Variants in DNAH9 observed in about 807,000 individuals in gnomAD.
The protein encoded by DNAH9 is DNAH9 variant protein.
Under a neutral mutation model 471.6 loss-of-function variants are expected in DNAH9, and 345 were observed. The observed-to-expected ratio is 0.73, with a 90% CI of 0.67 to 0.80. The LOEUF (loss-of-function observed/expected upper bound fraction) is 0.80, where lower values mean the gene tolerates loss of function less well. DNAH9 is among the 30% of genes least tolerant of loss of function. DNAH9 has a pLI of 0.00. For missense variants in DNAH9, 5,407 were observed against 5,609.2 expected (o/e 0.96, Z 1.15); for synonymous variants, 2,093 against 2,123.6 (o/e 0.99, Z 0.40).
chr17:11,734,992 C>T (rs552463942), intron 28 of DNAH9, among the ~76,000 whole-genome samples: 17 of 152,148 alleles, frequency 1.1e-4, no homozygotes, highest in Non-Finnish European at 2.1e-4. Flanking sequence ...CCTGTTCCGA[C>T]GCACCTCATT....
chr17:11,769,019 A>T, intron 37 of DNAH9, 103 bp from the exon 38 acceptor site: 1 of 1,215,460 alleles, frequency 8.2e-7, no homozygotes, highest in South Asian at 1.3e-5. Flanking sequence ...GGGGAGCTCC[A>T]TCGTGACGGA....
At position 11,654,382 on chromosome 17, in the gene DNAH9, T is replaced by G. The variant is rs984363210; in HGVS notation, c.2595+1380T>G. 1.6e-5 allele frequency among the ~76,000 whole-genome samples: 2 copies of G among 123,468 alleles called. 1 individual carries two copies. The highest frequency in any genetic ancestry group is 5.8e-5 in the African/African-American group (2 of 34,716). 81.0% of individuals were successfully genotyped at this position (123,468 alleles called of 152,430 possible). On this transcript the variant is annotated intron_variant, in intron 14 of 68. Coordinates refer to ENST00000262442, the MANE Select transcript of DNAH9 (RefSeq NM_001372.4). ...AAAAAAAAAAAAAAAAAAAAAAGTT[T>G]AAAATCGATCTATCATCCATCTATC...
intron 45 of DNAH9, among the ~76,000 whole-genome samples, chr17:11,815,095 A>G (rs1258837280): frequency 6.6e-6 from 1 of 152,180 alleles, no homozygotes; most frequent in Non-Finnish European, 1.5e-5. Context: ...ACTTTAAACC[A>G]GGACCGGTTT....
intron 67 of DNAH9, among the ~76,000 whole-genome samples, chr17:11,958,124 A>G (rs1975758774): frequency 6.6e-6 from 1 of 152,212 alleles, no homozygotes; most frequent in Non-Finnish European, 1.5e-5. Flanking sequence ...AAACAGAGGG[A>G]ACTTAAACAC....
intron 45 of DNAH9, among the ~76,000 whole-genome samples, chr17:11,813,433 A>G (rs1969991999): frequency 6.6e-6 from 1 of 152,180 alleles, no homozygotes; most frequent in Non-Finnish European, 1.5e-5. Flanking sequence ...AGTTCAGCCA[A>G]AGCTGCGGGG....
At chr17:11,648,166 C>T (rs1417203321) in intron 12 of DNAH9, among the ~76,000 whole-genome samples, 5 of 152,216 alleles carry the variant, frequency 3.3e-5, no homozygotes, top group Non-Finnish European at 7.3e-5. Flanking sequence ...CAGTCACCTA[C>T]ATCTGCCTTG....
chr17:11,752,965 G>A lies in DNAH9; in HGVS notation c.6738+5G>A. ...ACTGTCATGGATGATAACAAGGTAT[G>A]AAATTGGGGGATATCCCTAGATCAT... is the stretch of plus-strand genomic sequence containing the variant. On this transcript the variant is annotated splice_donor_5th_base_variant and intron_variant, in intron 33 of 68. Coordinates refer to ENST00000262442, the MANE Select transcript of DNAH9 (RefSeq NM_001372.4). 1 of 1,580,492 alleles carries A rather than the reference G, an allele frequency of 6.3e-7. No homozygotes were observed. Among genetic ancestry groups the A allele is most frequent in the Non-Finnish European group, 8.6e-7 (1 of 1,164,306 alleles).
At position 11,697,919 on chromosome 17, in the gene DNAH9, T is replaced by C. The variant is rs2074504167; in HGVS notation, c.4873-1812T>C. Among the ~76,000 whole-genome samples, 6 of 151,564 alleles carry C rather than the reference T, an allele frequency of 4.0e-5. No homozygotes were observed. In the Admixed American group the frequency reaches 4.0e-4, roughly 10 times the overall value. ...CCACGTTTTATAGACTTCATGTTTC[T>C]TTAATGTAATTGAAAGAAAAACAAG... On this transcript the variant is annotated intron_variant, in intron 22 of 68. Transcript: ENST00000262442.
intron 63 of DNAH9, among the ~76,000 whole-genome samples, chr17:11,931,063 A>T (rs1045656239): frequency 6.6e-6 from 1 of 152,188 alleles, no homozygotes; most frequent in African/African-American, 2.4e-5. Context: ...GGCCTCTTTG[A>T]TCTTCTCAAG....
chr17:11,876,906 T>C (rs1051174246), intron 53 of DNAH9, among the ~76,000 whole-genome samples: 1 of 151,884 alleles, frequency 6.6e-6, no homozygotes, highest in African/African-American at 2.4e-5. Context: ...TTTTGTATTT[T>C]TAGTAGAGAC....
chr17:11,817,237 A>C (rs1247988314), intron 45 of DNAH9, among the ~76,000 whole-genome samples: 1 of 152,198 alleles, frequency 6.6e-6, no homozygotes, highest in African/African-American at 2.4e-5. Flanking sequence ...TCAAGAAGGA[A>C]TTATAGGAAC....
At chr17:11,738,370 C>A (rs2075381725) in intron 28 of DNAH9, among the ~76,000 whole-genome samples, 1 of 152,128 alleles carries the variant, frequency 6.6e-6, no homozygotes, top group African/African-American at 2.4e-5. Context: ...TGGCTGTGGG[C>A]AGCCAGATTC....
At chr17:11,929,731 C>T (rs1018958920) in intron 62 of DNAH9, 135 bp from the exon 63 acceptor site, 10 of 707,964 alleles carry the variant, frequency 1.4e-5, no homozygotes, top group South Asian at 3.9e-5. Context: ...TTTTCTGTTA[C>T]GTCTTACCAC....
intron 6 of DNAH9, among the ~76,000 whole-genome samples, chr17:11,627,463 C>T (rs544811474): frequency 2.0e-5 from 3 of 152,120 alleles, no homozygotes; most frequent in South Asian, 2.1e-4. Flanking sequence ...AGAATTATGA[C>T]GAATGAGTAC....
At chr17:11,831,349 G>A (rs895021074) in intron 48 of DNAH9, among the ~76,000 whole-genome samples, 1 of 152,042 alleles carries the variant, frequency 6.6e-6, no homozygotes, top group African/African-American at 2.4e-5. Context: ...AGAGAGAGAG[G>A]GGAGGGAGAT....
At chr17:11,742,081 A>G in intron 29 of DNAH9, 94 bp from the exon 30 acceptor site, 1 of 1,156,260 alleles carries the variant, frequency 8.6e-7, no homozygotes, top group Non-Finnish European at 1.3e-6. Flanking sequence ...AGATGCCTCC[A>G]TGTGTGATCT....
In DNAH9 at chr17:11,636,773, AAGCAGAACTTGGT is replaced by A; in HGVS notation, c.1778_1786+4del. ...ATCTACAGTCAGCACGTCCAGGAGG[AAGCAGAACTTGGT>A]AGGCTTGTTAAAGGGGATTTTGATG... On this transcript the variant is annotated splice_donor_variant and coding_sequence_variant, in exon 9 of 69. Transcript: ENST00000262442. LOFTEE classifies it high-confidence loss of function. 6.2e-7 allele frequency: 1 copy of A among 1,614,022 alleles called. No homozygotes were observed. The highest frequency in any genetic ancestry group is 8.5e-7 in the Non-Finnish European group (1 of 1,179,940).
rs1046374844 is a variant in DNAH9, at chr17:11,692,436, A to C, written c.4615-1432A>C. Reference sequence around the variant, plus strand: ...TGTCAATCATTTCAATGATACTGTGAGTGTGTATGTCTGGGAAAAATGTTG... The same window carrying C: ...TGTCAATCATTTCAATGATACTGTGCGTGTGTATGTCTGGGAAAAATGTTG... On this transcript the variant is annotated intron_variant, in intron 20 of 68. Coordinates refer to ENST00000262442, the MANE Select transcript of DNAH9 (RefSeq NM_001372.4). 1.3e-4 allele frequency among the ~76,000 whole-genome samples: 20 copies of C among 152,184 alleles called. 1 individual carries two copies. Among genetic ancestry groups the C allele is most frequent in the African/African-American group, 4.6e-4 (19 of 41,434 alleles).
chr17:11,863,061 A>G (rs1438539659), intron 50 of DNAH9, among the ~76,000 whole-genome samples: 1 of 152,184 alleles, frequency 6.6e-6, no homozygotes, highest in Non-Finnish European at 1.5e-5. Flanking sequence ...CACTATGTTG[A>G]ATAGGAGTGG....
Sources: allele counts gnomAD v4.1 joint callset (sites outside exome capture counted in the v4.1 genomes callset), GRCh38; gene constraint gnomAD v4.1.1; transcripts MANE v1.5; gene names NCBI Gene and HGNC (gene_info 2026-07-23, HGNC 2026-07-21).